PIAS1: variants seen among roughly 807,000 people sequenced by gnomAD.
The protein encoded by PIAS1 is E3 SUMO-protein ligase PIAS1.
Under a neutral mutation model 71.3 loss-of-function variants are expected in PIAS1, and 6 were observed. The ratio of observed to expected loss-of-function variants is 0.08; its 90% CI spans 0.05 to 0.17. The LOEUF is 0.17. PIAS1 is among the 10% of genes least tolerant of loss of function. The pLI, the probability that PIAS1 is intolerant of heterozygous loss-of-function variation, is 1.00. For synonymous variants in PIAS1, 303 were observed against 292.9 expected (o/e 1.03, Z -0.35); for missense variants, 555 against 793.6 (o/e 0.70, Z 3.61).
At chr15:68,056,387 AGGTAAAG>A (rs2091896613) in intron 1 of PIAS1, among the ~76,000 whole-genome samples, 1 of 152,240 alleles carries the variant, frequency 6.6e-6, no homozygotes, top group African/African-American at 2.4e-5. Flanking sequence ...GAGTCTTGTT[AGGTAAAG>A]TTTCTCTTTA....
chr15:68,105,806 A>C (rs2092463599), intron 2 of PIAS1, among the ~76,000 whole-genome samples: 1 of 152,056 alleles, frequency 6.6e-6, no homozygotes, highest in Non-Finnish European at 1.5e-5. Context: ...CGCCATCTCT[A>C]AAAAAAATTT....
chr15:68,151,707 C>CACACACACACA (rs140053964), intron 6 of PIAS1, among the ~76,000 whole-genome samples: 2 of 134,406 alleles, frequency 1.5e-5, no homozygotes, highest in African/African-American at 5.5e-5. Context: ...CACACACACA[C>CACACACACACA]AAATTAGCTA....
chr15:68,133,695 A>ATTT lies in PIAS1; in HGVS notation c.470-8242_470-8240dup, dbSNP rs1313448882. ...ATTTAGATTTTTATTTTTATTTTTT[A>ATTT]TTTTTTTTTTTGTTTTTTTAATTTA... On this transcript the variant is annotated intron_variant, in intron 2 of 13. Coordinates refer to ENST00000249636, the MANE Select transcript of PIAS1 (RefSeq NM_016166.3). 4.9e-3 allele frequency among the ~76,000 whole-genome samples: 4 copies of ATTT among 816 alleles called. 2 individuals are homozygous for ATTT. Among genetic ancestry groups the ATTT allele is most frequent in the African/African-American group, 5.1e-3 (4 of 792 alleles). 0.5% of individuals were successfully genotyped at this position (816 alleles called of 152,430 possible). A position where few individuals can be genotyped will look rare whatever the true frequency, so the allele number is the denominator to read the frequency against.
rs1401308181 is a variant in PIAS1, at chr15:68,171,063, AT to A, written c.1009-2668del. On this transcript the variant is annotated intron_variant, in intron 8 of 13. Coordinates refer to ENST00000249636, the MANE Select transcript of PIAS1 (RefSeq NM_016166.3). The surrounding 1 kb of genome is among the most constrained non-coding windows in gnomAD (Gnocchi z 4.4). The stretch of plus-strand genomic sequence containing the variant: ...GTACAAAAATATTTTCTTTCTTTAT[AT>A]CCTTATTCTATAAGCTTTTTTCTAT... 6.6e-6 allele frequency among the ~76,000 whole-genome samples: 1 copy of A among 151,656 alleles called. No individual in the cohort carries two copies. The highest frequency in any genetic ancestry group is 1.9e-4 in the East Asian group (1 of 5,204).
intron 6 of PIAS1, among the ~76,000 whole-genome samples, chr15:68,152,860 A>G (rs2141061887): frequency 6.9e-6 from 1 of 145,700 alleles, no homozygotes. Flanking sequence ...ACTTAGTCTT[A>G]GCTTGTTGAT....
chr15:68,091,279 A>G (rs996511223), intron 2 of PIAS1, among the ~76,000 whole-genome samples: 3 of 152,132 alleles, frequency 2.0e-5, no homozygotes, highest in African/African-American at 7.2e-5. Context: ...TTTGTTTAGA[A>G]TAATACCTGT....
chr15:68,160,763 A>G lies in PIAS1; in HGVS notation c.935-3968A>G, dbSNP rs370984413. Among the ~76,000 whole-genome samples, 30 of 152,338 alleles carry G rather than the reference A, an allele frequency of 2.0e-4. No individual in the cohort carries two copies. The East Asian group carries it at 4.6e-3, about 24-fold the overall frequency. ...ACTTGGCCAAATTCAACATCCATTC[A>G]TGATAAAACTGTCAGCAAAATCGAG... On this transcript the variant is annotated intron_variant, in intron 7 of 13. Transcript: ENST00000249636.
chr15:68,156,709 T>TAA lies in PIAS1; in HGVS notation c.934+3032_934+3033dup, dbSNP rs35479013. ...GGGCAACAGAGAGAGACACTGTCTT[T>TAA]AAAAAAAAAAAAAAAAAAAGAGAGA... On this transcript the variant is annotated intron_variant, in intron 7 of 13. Transcript: ENST00000249636. Among the ~76,000 whole-genome samples, 459 of 119,008 alleles carry TAA rather than the reference T, an allele frequency of 3.9e-3. 8 individuals are homozygous for TAA. Among genetic ancestry groups the TAA allele is most frequent in the African/African-American group, 0.014 (404 of 29,622 alleles). 78.1% of individuals were successfully genotyped at this position (119,008 alleles called of 152,430 possible).
rs747126064 is a variant in PIAS1, at chr15:68,153,604, A to G, written c.843A>G (p.Ala281=). Residue 281 remains alanine, a synonymous_variant, in exon 7 of 14, where the codon GCA becomes GCG. Transcript: ENST00000249636. The stretch of plus-strand genomic sequence containing the variant: ...TTTTTTTCCAGAACTATTCCATGGC[A>G]GTATATCTTGTAAAACAGTTGTCCT... The part of the protein sequence containing the change: ...TAEIGRNYSM[A]VYLVKQLSST... 13 of 1,534,676 alleles carry G rather than the reference A, an allele frequency of 8.5e-6. No homozygotes were observed. Among genetic ancestry groups the G allele is most frequent in the African/African-American group, 1.4e-5 (1 of 73,136 alleles).
At chr15:68,180,133 G>C (rs1193287059) in intron 11 of PIAS1, among the ~76,000 whole-genome samples, 1 of 151,786 alleles carries the variant, frequency 6.6e-6, no homozygotes, top group Non-Finnish European at 1.5e-5. Flanking sequence ...ACAGGCTCTT[G>C]CTCTGTCACC....
chr15:68,092,936 T>C lies in PIAS1; in HGVS notation c.469+6186T>C, dbSNP rs117328752. Among the ~76,000 whole-genome samples, 1,021 of 152,356 alleles carry C rather than the reference T, an allele frequency of 6.7e-3. 6 individuals are homozygous for C. The highest frequency in any genetic ancestry group is 9.9e-3 in the Non-Finnish European group (672 of 68,034). On this transcript the variant is annotated intron_variant, in intron 2 of 13. Coordinates refer to ENST00000249636, the MANE Select transcript of PIAS1 (RefSeq NM_016166.3). Reference sequence around the variant, plus strand: ...AAGATACTCCTTTTAGCCAATCTAGTTGAAACCAGTAGTGAATTGATAAAA... The same window carrying C: ...AAGATACTCCTTTTAGCCAATCTAGCTGAAACCAGTAGTGAATTGATAAAA...
rs1321725086 is a variant in PIAS1 at position 68,171,939 on chromosome 15, T to A, written c.1009-1793T>A. 6.6e-6 allele frequency among the ~76,000 whole-genome samples: 1 copy of A among 151,922 alleles called. No individual in the cohort carries two copies. The highest frequency in any genetic ancestry group is 1.5e-5 in the Non-Finnish European group (1 of 67,970). The stretch of plus-strand genomic sequence containing the variant: ...TTCTTTTATATGTTTTATATATATA[T>A]AAAATACTTTAAGTTCTATGGTACA... On this transcript the variant is annotated intron_variant, in intron 8 of 13. Coordinates refer to ENST00000249636, the MANE Select transcript of PIAS1 (RefSeq NM_016166.3). The surrounding 1 kb of genome is among the most constrained non-coding windows in gnomAD (Gnocchi z 4.4).
At chr15:68,164,706 TTTC>T (rs2092946099) in intron 7 of PIAS1, 22 bp from the exon 8 acceptor site, 12 of 1,431,956 alleles carry the variant, frequency 8.4e-6, no homozygotes, top group South Asian at 1.2e-5. Flanking sequence ...GTTTGCTTTT[TTTC>T]TTCTTCTTCA....
At chr15:68,166,226 T>C (rs2092956948) in intron 8 of PIAS1, among the ~76,000 whole-genome samples, 1 of 152,200 alleles carries the variant, frequency 6.6e-6, no homozygotes, top group South Asian at 2.1e-4. Flanking sequence ...GTGAAAAATA[T>C]TTTGACTCCA....
At position 68,178,673 on chromosome 15, in the gene PIAS1, CCT is replaced by C. The variant is rs1390860329; in HGVS notation, c.1481+2022_1481+2023del. ...ACAATTTTAAAAGATATTTCATAAA[CCT>C]CTGGATATATAAATACTTTTGGGCT... On this transcript the variant is annotated intron_variant, in intron 11 of 13. Transcript: ENST00000249636. The surrounding 1 kb of genome is among the most constrained non-coding windows in gnomAD (Gnocchi z 4.2). Among the ~76,000 whole-genome samples, 1 of 151,950 alleles carries C rather than the reference CCT, an allele frequency of 6.6e-6. No homozygotes were observed. The highest frequency in any genetic ancestry group is 1.9e-4 in the East Asian group (1 of 5,180).
At chr15:68,079,578 T>C (rs2092206913) in intron 1 of PIAS1, among the ~76,000 whole-genome samples, 1 of 152,196 alleles carries the variant, frequency 6.6e-6, no homozygotes, top group African/African-American at 2.4e-5. Flanking sequence ...GGGATCCTCC[T>C]GCTTCAGTCT....
At chr15:68,182,311 C>CT (rs1567080795) in intron 12 of PIAS1, among the ~76,000 whole-genome samples, 2 of 151,744 alleles carry the variant, frequency 1.3e-5, no homozygotes, top group Non-Finnish European at 2.9e-5. Context: ...AATCTAAGAA[C>CT]TTTTTTTTAT....
At chr15:68,131,834 T>C (rs1185542852) in intron 2 of PIAS1, among the ~76,000 whole-genome samples, 5 of 152,114 alleles carry the variant, frequency 3.3e-5, no homozygotes, top group African/African-American at 1.2e-4. Flanking sequence ...AGACATCTCT[T>C]TGACATACTG....
At chr15:68,168,282 TA>T (rs1214507454) in intron 8 of PIAS1, among the ~76,000 whole-genome samples, 1 of 152,210 alleles carries the variant, frequency 6.6e-6, no homozygotes, top group Non-Finnish European at 1.5e-5. Context: ...GTGATGGGAT[TA>T]CAGGTGTGAG....
Sources: gnomAD v4.1 joint callset for allele counts (sites outside exome capture counted in the v4.1 genomes callset) on GRCh38, gnomAD v4.1.1 for gene constraint, Gnocchi (gnomAD v3.1) non-coding constraint, MANE v1.5 for transcripts, NCBI Gene and HGNC (gene_info 2026-07-23, HGNC 2026-07-21) for gene names.